Variants in RNLS observed in about 807,000 individuals in gnomAD.
The protein encoded by RNLS is renalase.
Under a neutral mutation model 39.8 loss-of-function variants are expected in RNLS, and 39 were observed. The observed-to-expected ratio is 0.98, with a 90% CI of 0.76 to 1.28. The LOEUF (loss-of-function observed/expected upper bound fraction) is 1.28, where lower values mean the gene tolerates loss of function less well. Among genes scored for constraint, RNLS ranks in the 50% most tolerant of loss-of-function variants. RNLS has a pLI of 0.00. For synonymous variants in RNLS, 147 were observed against 150.7 expected (o/e 0.98, Z 0.18); for missense variants, 410 against 413.3 (o/e 0.99, Z 0.07).
At chr10:88,251,629 A>G in the RNLS span, among the ~76,000 whole-genome samples, 1 of 152,238 alleles carries the variant, frequency 6.6e-6, no homozygotes, top group African/African-American at 2.4e-5. Context: ...AAAATGGACA[A>G]AAGTCTGCAA....
intron 4 of RNLS, among the ~76,000 whole-genome samples, chr10:88,518,940 T>G (rs1433469132): frequency 1.3e-5 from 2 of 152,010 alleles, no homozygotes; most frequent in Admixed American, 6.6e-5. Context: ...CTTGTATATC[T>G]CTAAAGAAAG....
At chr10:88,189,291 T>C in the RNLS span, among the ~76,000 whole-genome samples, 5 of 152,232 alleles carry the variant, frequency 3.3e-5, no homozygotes, top group African/African-American at 1.2e-4. Flanking sequence ...CATTTCCCTA[T>C]GTCATTCATC....
At chr10:88,423,360 G>A (rs1854524023) in intron 4 of RNLS, among the ~76,000 whole-genome samples, 1 of 152,148 alleles carries the variant, frequency 6.6e-6, no homozygotes, top group Non-Finnish European at 1.5e-5. Context: ...GGACCCAGAA[G>A]TTTTATTAAT....
chr10:88,403,457 T>C (rs1186501088), intron 4 of RNLS, among the ~76,000 whole-genome samples: 1 of 152,058 alleles, frequency 6.6e-6, no homozygotes, highest in Non-Finnish European at 1.5e-5. Context: ...TGGAGAAATA[T>C]ACACTGAAAT....
intron 5 of RNLS, among the ~76,000 whole-genome samples, chr10:88,336,204 T>C (rs1299752400): frequency 6.6e-6 from 1 of 152,198 alleles, no homozygotes; most frequent in Non-Finnish European, 1.5e-5. Flanking sequence ...AATACTAGCT[T>C]TTAAAAAACC....
chr10:88,558,198 G>T (rs1848976995), intron 4 of RNLS, among the ~76,000 whole-genome samples: 2 of 152,072 alleles, frequency 1.3e-5, no homozygotes, highest in Admixed American at 6.6e-5. Flanking sequence ...GGGGCAAAAA[G>T]GTATACCGCT....
chr10:88,388,548 A>C (rs1319990894), intron 4 of RNLS, among the ~76,000 whole-genome samples: 2 of 152,106 alleles, frequency 1.3e-5, no homozygotes, highest in Non-Finnish European at 2.9e-5. Flanking sequence ...TTTCCAGCTG[A>C]AGAGACTTAA....
At chr10:88,486,328 A>G (rs1402603153) in intron 4 of RNLS, among the ~76,000 whole-genome samples, 1 of 152,204 alleles carries the variant, frequency 6.6e-6, no homozygotes, top group East Asian at 1.9e-4. Flanking sequence ...TTCATGACAA[A>G]GATGCCAAAA....
At chr10:88,182,054 G>A in the RNLS span, among the ~76,000 whole-genome samples, 9 of 152,200 alleles carry the variant, frequency 5.9e-5, no homozygotes, top group Middle Eastern at 6.8e-3. Context: ...GAAGGGTGTG[G>A]GGTAGGTCAA....
At chr10:88,359,617 T>C (rs891008515) in intron 5 of RNLS, among the ~76,000 whole-genome samples, 1 of 152,234 alleles carries the variant, frequency 6.6e-6, no homozygotes, top group Non-Finnish European at 1.5e-5. Context: ...GGCACCACCA[T>C]GGGCTTTAGC....
downstream of RNLS, among the ~76,000 whole-genome samples, chr10:88,280,921 GC>G (rs1455068171): frequency 8.5e-5 from 13 of 152,268 alleles, no homozygotes; most frequent in Admixed American, 2.0e-4. Context: ...AATTCAACCA[GC>G]CTTTTACATT....
chr10:88,365,581 A>ATATT (rs1850015506), intron 4 of RNLS, among the ~76,000 whole-genome samples: 1 of 146,338 alleles, frequency 6.8e-6, no homozygotes, highest in Non-Finnish European at 1.5e-5. Flanking sequence ...GATATGTTAT[A>ATATT]TATTATATAT....
chr10:88,486,157 T>C (rs1024908090), intron 4 of RNLS, among the ~76,000 whole-genome samples: 10 of 152,226 alleles, frequency 6.6e-5, no homozygotes, highest in African/African-American at 2.4e-4. Context: ...CTGGTATAAC[T>C]GGCTAGCCAT....
At chr10:88,184,933 T>G in the RNLS span, among the ~76,000 whole-genome samples, 1 of 152,168 alleles carries the variant, frequency 6.6e-6, no homozygotes, top group Admixed American at 6.6e-5. Flanking sequence ...TCAGAATGTT[T>G]TCAGCAACAC....
At chr10:88,520,290 C>T (rs1200905706) in intron 4 of RNLS, among the ~76,000 whole-genome samples, 1 of 152,020 alleles carries the variant, frequency 6.6e-6, no homozygotes, top group African/African-American at 2.4e-5. Context: ...CAATGATATT[C>T]TCAGAAGTAT....
downstream of RNLS, among the ~76,000 whole-genome samples, chr10:88,271,835 G>A (rs1331499639): frequency 6.6e-6 from 1 of 152,178 alleles, no homozygotes; most frequent in African/African-American, 2.4e-5. Flanking sequence ...CTAAAAAGCA[G>A]CCTAGCAAAT....
At chr10:88,213,057 C>T in the RNLS span, among the ~76,000 whole-genome samples, 7 of 152,200 alleles carry the variant, frequency 4.6e-5, no homozygotes, top group Non-Finnish European at 1.0e-4. Flanking sequence ...CACCATCGCC[C>T]TGCATTCTAC....
intron 5 of RNLS, among the ~76,000 whole-genome samples, chr10:88,361,217 T>A (rs1849615893): frequency 1.3e-5 from 2 of 152,250 alleles, no homozygotes; most frequent in South Asian, 4.1e-4. Context: ...TCATTTAATC[T>A]TAATTACCTC....
At chr10:88,173,751 A>T in the RNLS span, among the ~76,000 whole-genome samples, 1 of 152,224 alleles carries the variant, frequency 6.6e-6, no homozygotes, top group African/African-American at 2.4e-5. Flanking sequence ...GCTGCACTTT[A>T]TACAAATAAT....
Sources: allele counts gnomAD v4.1 joint callset (sites outside exome capture counted in the v4.1 genomes callset), GRCh38; gene constraint gnomAD v4.1.1; transcripts MANE v1.5; gene names NCBI Gene and HGNC (gene_info 2026-07-23, HGNC 2026-07-21).